TRPM4: variants seen among roughly 807,000 people sequenced by gnomAD.
TRPM4 encodes calcium-activated non-selective cation channel 1.
In TRPM4, 124 loss-of-function variants were observed where a neutral mutation model predicts 135.6. That is an observed-to-expected ratio of 0.91 (90% CI 0.79 to 1.06). The LOEUF is 1.06. Among genes scored for constraint, TRPM4 ranks in the 50% least tolerant of loss-of-function variants. TRPM4 has a pLI of 0.00. For synonymous variants in TRPM4, 745 were observed against 705.6 expected, an observed-to-expected ratio of 1.06 and a Z score of -0.88; for missense variants, 1,658 against 1,671.4, an observed-to-expected ratio of 0.99 and a Z score of 0.14.
Position 49,202,216 on chromosome 19 carries a change from C to A in TRPM4, c.3131+75C>A. ...CCCTCTCATGACTCTTGAACCCCGT[C>A]TAATGAATTCTGTTTTTAGTCCCTG... On this transcript the variant is annotated intron_variant, in intron 20 of 24. Coordinates refer to ENST00000252826, the MANE Select transcript of TRPM4 (RefSeq NM_017636.4). The A allele has an allele frequency of 5.9e-6, 9 of 1,520,116 alleles. No homozygotes were observed. In the Middle Eastern group the frequency reaches 5.1e-4, roughly 86 times the overall value. 94.2% of individuals were successfully genotyped at this position (1,520,116 alleles called of 1,614,324 possible). A position where few individuals can be genotyped will look rare whatever the true frequency, so the allele number is the denominator to read the frequency against.
chr19:49,188,778 G>A lies in TRPM4; in HGVS notation c.1873+8G>A, dbSNP rs1600477308. 1.2e-6 allele frequency: 2 copies of A among 1,613,930 alleles called. No homozygotes were observed. The highest frequency in any genetic ancestry group is 2.2e-5 in the East Asian group (1 of 44,884). On this transcript the variant is annotated splice_region_variant and intron_variant, in intron 13 of 24. Transcript: ENST00000252826. ...TTGAGGGGATGGGCGTTGGTGCGTG[G>A]GGCACGGTGCCTGGGAGCAGGGACG...
chr19:49,188,001 T>C lies in TRPM4; in HGVS notation c.1744-640T>C, dbSNP rs370024086. ...ATCTTAGGTGTTACAGTAATGATGTTATCCCCAGGAGCAATTGGGGGAGCC... is the reference window on the plus strand; with the variant it reads ...ATCTTAGGTGTTACAGTAATGATGTCATCCCCAGGAGCAATTGGGGGAGCC... On this transcript the variant is annotated intron_variant, in intron 12 of 24. Transcript: ENST00000252826. Among the ~76,000 whole-genome samples the C allele has an allele frequency of 3.0e-3, 451 of 152,300 alleles. 3 individuals carry two copies. The highest frequency in any genetic ancestry group is 0.01 in the African/African-American group (433 of 41,560).
chr19:49,170,708 A>G (rs1192931749), intron 6 of TRPM4, among the ~76,000 whole-genome samples: 1 of 152,130 alleles, frequency 6.6e-6, no homozygotes, highest in Non-Finnish European at 1.5e-5. Flanking sequence ...TCAGGAGTCT[A>G]GGTCCTCAGC....
In TRPM4 at chr19:49,203,422, G is replaced by A. The variant is rs138292981; in HGVS notation, c.3131+1281G>A. On this transcript the variant is annotated intron_variant, in intron 20 of 24. Transcript: ENST00000252826. ...TTTCGATCTCCTGACCTTGTGATCC[G>A]CCCGCCTTGGCCTCCCAGAGTGCTG... Among the ~76,000 whole-genome samples, 1,169 of 149,530 alleles carry A rather than the reference G, an allele frequency of 7.8e-3. 13 individuals are homozygous for A. Among genetic ancestry groups the A allele is most frequent in the East Asian group, 0.041 (206 of 4,986 alleles).
At chr19:49,163,206 T>C (rs2122759606) in intron 2 of TRPM4, among the ~76,000 whole-genome samples, 1 of 151,450 alleles carries the variant, frequency 6.6e-6, no homozygotes, top group South Asian at 2.1e-4. Flanking sequence ...TTATTTTTTT[T>C]TTTTTTTGAG....
intron 9 of TRPM4, 50 bp downstream of exon 9, chr19:49,172,158 C>A: frequency 7.1e-7 from 1 of 1,412,132 alleles, no homozygotes; most frequent in Non-Finnish European, 1.0e-6. Flanking sequence ...CAACCTTAGA[C>A]ACCTTTCCTG....
At chr19:49,190,169 G>C (rs781708721) in intron 14 of TRPM4, 39 bp from the exon 15 acceptor site, 1 of 1,570,598 alleles carries the variant, frequency 6.4e-7, no homozygotes, top group Admixed American at 1.7e-5. Context: ...ACGGGGCTGT[G>C]GGGGAGATTT....
Position 49,200,363 on chromosome 19 carries a change from G to A in TRPM4, c.2709G>A (p.Thr903=), listed in dbSNP as rs1378061801. 8 of 1,613,920 alleles carry A rather than the reference G, an allele frequency of 5.0e-6. No individual in the cohort carries two copies. Among genetic ancestry groups the A allele is most frequent in the South Asian group, 4.4e-5 (4 of 91,082 alleles). Residue 903 remains threonine (T), a synonymous_variant, in exon 18 of 25, where the codon ACG becomes ACA. Transcript: ENST00000252826. Reference sequence around the variant, plus strand: ...TCTGCATCGACTTCATGGTTTTCACGGTGCGGCTGCTTCACATCTTCACGG... The same window carrying A: ...TCTGCATCGACTTCATGGTTTTCACAGTGCGGCTGCTTCACATCTTCACGG... ...TVLCIDFMVF[T]VRLLHIFTVN...
chr19:49,210,458 G>A lies in TRPM4; in HGVS notation c.3328+53G>A, dbSNP rs895442148. 4.8e-5 allele frequency: 76 copies of A among 1,591,984 alleles called. No individual in the cohort carries two copies. The highest frequency in any genetic ancestry group is 5.6e-5 in the Non-Finnish European group (65 of 1,169,166). Reference sequence around the variant, plus strand: ...AGAAATATAGGGGACCGGGAGCCTGGAAGGCGAGGGGAAGGGGGCATGCCC... The same window carrying A: ...AGAAATATAGGGGACCGGGAGCCTGAAAGGCGAGGGGAAGGGGGCATGCCC... On this transcript the variant is annotated intron_variant, in intron 21 of 24. Coordinates refer to ENST00000252826, the MANE Select transcript of TRPM4 (RefSeq NM_017636.4). This position sits in a 1 kb window ranked among gnomAD's most constrained non-coding sequence, Gnocchi z 4.1.
chr19:49,211,245 C>T lies in TRPM4; in HGVS notation c.3616C>T (p.Pro1206Ser), dbSNP rs1247795768. Residue 1206 changes from proline to serine, a missense_variant, in exon 24 of 25, where the codon CCC (proline) becomes TCC (serine). Pro to Ser is a moderately conservative substitution (Grantham distance 74, BLOSUM62 -1). Around this residue, in one of 3 missense-constraint regions of TRPM4, gnomAD observed 1,412 missense variants for 1,408.7 expected, o/e 1.00. Coordinates refer to ENST00000252826, the MANE Select transcript of TRPM4 (RefSeq NM_017636.4). This position sits in a 1 kb window ranked among gnomAD's most constrained non-coding sequence, Gnocchi z 4.8. Reference protein sequence around the residue: ...SALLPPGGPPPPDLPGSKD With the variant: ...SALLPPGGPPSPDLPGSKD The stretch of plus-strand genomic sequence containing the variant: ...CTTGCTGCCCCCAGGTGGGCCGCCA[C>T]CCCCTGACCTGCCTGGGTCCAAAGG... 1 of 1,587,422 alleles carries T rather than the reference C, an allele frequency of 6.3e-7. No homozygotes were observed. Among genetic ancestry groups the T allele is most frequent in the Non-Finnish European group, 8.6e-7 (1 of 1,167,752 alleles).
intron 3 of TRPM4, among the ~76,000 whole-genome samples, chr19:49,166,890 CCA>C (rs1265114058): frequency 4.0e-5 from 6 of 150,516 alleles, no homozygotes; most frequent in African/African-American, 7.3e-5. Flanking sequence ...GTCTCTGTCC[CCA>C]TCTCTCTGGG....
rs1268897795 is a variant in TRPM4 at position 49,169,790 on chromosome 19, G to A, written c.796+1054G>A. Among the ~76,000 whole-genome samples, 4 of 150,080 alleles carry A rather than the reference G, an allele frequency of 2.7e-5. No homozygotes were observed. The East Asian group carries it at 8.0e-4, about 30-fold the overall frequency. ...CCCAGGTGGCCTCAAACTCGTGGTC[G>A]AAAGTGGTCCACCTGCCTCAGCCTC... On this transcript the variant is annotated intron_variant, in intron 6 of 24. Transcript: ENST00000252826.
chr19:49,171,807 G>T lies in TRPM4; in HGVS notation c.1050+38G>T. 1.3e-6 allele frequency: 2 copies of T among 1,595,100 alleles called. No individual in the cohort carries two copies. Among genetic ancestry groups the T allele is most frequent in the South Asian group, 1.1e-5 (1 of 90,244 alleles). On this transcript the variant is annotated intron_variant, in intron 8 of 24. Coordinates refer to ENST00000252826, the MANE Select transcript of TRPM4 (RefSeq NM_017636.4). This position sits in a 1 kb window ranked among gnomAD's most constrained non-coding sequence, Gnocchi z 4.7. Reference sequence around the variant, plus strand: ...GGGCCCAACTCTGGATCCTGAGATGGGAGGGAACTGGGGACTTGGGCTCCT... The same window carrying T: ...GGGCCCAACTCTGGATCCTGAGATGTGAGGGAACTGGGGACTTGGGCTCCT...
At chr19:49,167,032 G>A (rs552966613) in intron 3 of TRPM4, among the ~76,000 whole-genome samples, 4 of 149,766 alleles carry the variant, frequency 2.7e-5, no homozygotes, top group African/African-American at 7.4e-5. Context: ...CCGTCTCTCC[G>A]GGTCTCTGTT....
Position 49,211,266 on chromosome 19 carries a change from A to G in TRPM4, c.3637A>G (p.Lys1213Glu), listed in dbSNP as rs764381048. ...GCCACCCCCTGACCTGCCTGGGTCC[A>G]AAGGTCAGTGTGTAGCATCAGCCTG... ...GPPPPDLPGSKD is the reference protein window; with the variant it reads ...GPPPPDLPGSED Residue 1213 changes from lysine to glutamate, a missense_variant, in exon 24 of 25, where the codon AAA (lysine) becomes GAA (glutamate). Around this residue, in one of 3 missense-constraint regions of TRPM4, gnomAD observed 1,412 missense variants for 1,408.7 expected, o/e 1.00. Coordinates refer to ENST00000252826, the MANE Select transcript of TRPM4 (RefSeq NM_017636.4). The surrounding 1 kb of genome is among the most constrained non-coding windows in gnomAD (Gnocchi z 4.8). 10 of 1,581,968 alleles carry G rather than the reference A, an allele frequency of 6.3e-6. No individual in the cohort carries two copies. The highest frequency in any genetic ancestry group is 4.6e-5 in the South Asian group (4 of 87,688).
At chr19:49,209,165 G>A in intron 20 of TRPM4, among the ~76,000 whole-genome samples, 1 of 152,074 alleles carries the variant, frequency 6.6e-6, no homozygotes, top group Non-Finnish European at 1.5e-5. Flanking sequence ...TGCTGAATTA[G>A]ATTTGCTTGT....
Position 49,171,281 on chromosome 19 carries a change from T to C in TRPM4, c.797-76T>C. On this transcript the variant is annotated intron_variant, in intron 6 of 24. Coordinates refer to ENST00000252826, the MANE Select transcript of TRPM4 (RefSeq NM_017636.4). The surrounding 1 kb of genome is among the most constrained non-coding windows in gnomAD (Gnocchi z 4.7). ...GACAAGGCTGATGTTTGCCGACTCCTGGGAAATGCGGTTTTCTCCTATCTC... is the reference window on the plus strand; with the variant it reads ...GACAAGGCTGATGTTTGCCGACTCCCGGGAAATGCGGTTTTCTCCTATCTC... The C allele has an allele frequency of 6.5e-7, 1 of 1,531,680 alleles. No individual in the cohort carries two copies. The highest frequency in any genetic ancestry group is 9.1e-7 in the Non-Finnish European group (1 of 1,104,834). The allele number at this position is 1,531,680 out of a possible 1,614,324, so 94.9% of individuals were successfully genotyped here. A position where few individuals can be genotyped will look rare whatever the true frequency, so the allele number is the denominator to read the frequency against.
intron 2 of TRPM4, among the ~76,000 whole-genome samples, chr19:49,164,698 G>C (rs545504630): frequency 6.7e-6 from 1 of 149,068 alleles, no homozygotes; most frequent in South Asian, 2.1e-4. Flanking sequence ...TTGCTTGCTT[G>C]CTTGCTTGCT....
At chr19:49,194,625 T>G (rs899667014) in intron 16 of TRPM4, among the ~76,000 whole-genome samples, 5 of 147,572 alleles carry the variant, frequency 3.4e-5, no homozygotes, top group African/African-American at 1.0e-4. Context: ...CTTCCTTTCT[T>G]TCCTTCCCTT....
Sources: allele counts gnomAD v4.1 joint callset (sites outside exome capture counted in the v4.1 genomes callset), GRCh38; gene constraint gnomAD v4.1.1; regional missense constraint gnomAD v4.1.1; non-coding constraint Gnocchi (gnomAD v3.1); transcripts MANE v1.5; gene names NCBI Gene and HGNC (gene_info 2026-07-23, HGNC 2026-07-21).